CDC27: variants seen among roughly 807,000 people sequenced by gnomAD.
CDC27 encodes cell division cycle 27.
A neutral mutation model predicts 109.7 loss-of-function variants in CDC27; 27 were observed. The ratio of observed to expected loss-of-function variants is 0.25; its 90% CI spans 0.18 to 0.34. The LOEUF is 0.34. CDC27 is among the 10% of genes least tolerant of loss of function. CDC27 has a pLI of 1.00. For missense variants in CDC27, 579 were observed against 960.2 expected (o/e 0.60, Z 5.25); for synonymous variants, 266 against 333.9 (o/e 0.80, Z 2.22).
chr17:47,161,292 C>A (rs1336322410), intron 4 of CDC27, among the ~76,000 whole-genome samples: 4 of 151,792 alleles, frequency 2.6e-5, no homozygotes, highest in Admixed American at 2.0e-4. Context: ...CCTGAAATTT[C>A]TTAAATATAA....
chr17:47,160,000 T>G (rs1474340123), intron 4 of CDC27: 1 of 232,562 alleles, frequency 4.3e-6, no homozygotes, highest in African/African-American at 2.4e-5. Flanking sequence ...AACCTCTGCT[T>G]CTTTTTTTTT....
chr17:47,156,991 G>C lies in CDC27; in HGVS notation c.764C>G (p.Ser255Cys), dbSNP rs1230920121. 4 of 1,576,034 alleles carry C rather than the reference G, an allele frequency of 2.5e-6. No homozygotes were observed. The highest frequency in any genetic ancestry group is 1.1e-5 in the South Asian group (1 of 88,810). Residue 255 changes from serine to cysteine, a missense_variant, in exon 7 of 19, where the codon TCT becomes TGT. Around this residue, in one of 9 missense-constraint regions of CDC27, gnomAD observed 74 missense variants for 148.9 expected, o/e 0.50. Coordinates refer to ENST00000066544, the MANE Select transcript of CDC27 (RefSeq NM_001256.6). ...VPLGTGTSIL[S>C]KQVQNKPKTG... The stretch of plus-strand genomic sequence containing the variant: ...TTTTGGTTTATTTTGAACCTGTTTA[G>C]ATAATATGGAAGTTCCTGTTCCCAG...
chr17:47,145,198 G>A (rs1168631686), intron 9 of CDC27, among the ~76,000 whole-genome samples: 2 of 152,176 alleles, frequency 1.3e-5, no homozygotes, highest in Non-Finnish European at 2.9e-5. Context: ...AAACATTTCC[G>A]AGGACAGTTC....
intron 4 of CDC27, chr17:47,159,407 GCAGTCATCGATAC>G (rs1262942690): frequency 1.0e-6 from 1 of 998,500 alleles, no homozygotes; most frequent in Non-Finnish European, 1.4e-6. Context: ...CTGAGGTGTA[GCAGTCATCGATAC>G]CAGTCATCAT....
In CDC27 at chr17:47,120,997, C is replaced by T; in HGVS notation, c.2413G>A (p.Glu805Lys). The T allele has an allele frequency of 6.2e-7, 1 of 1,612,024 alleles. No homozygotes were observed. Among genetic ancestry groups the T allele is most frequent in the Non-Finnish European group, 8.5e-7 (1 of 1,178,726 alleles). The stretch of plus-strand genomic sequence containing the variant: ...TCATCCGCATCTGTCATGCTGCTCT[C>T]CTGGGATTCATCTGTTCCCACTTTA... ...EQIMGTDESQ[E>K]SSMTDADDTQ... Residue 805 changes from glutamate to lysine, a missense_variant, in exon 19 of 19, where the codon GAG becomes AAG. Transcript: ENST00000066544.
At chr17:47,166,301 T>C (rs540147156) in intron 4 of CDC27, among the ~76,000 whole-genome samples, 22 of 152,346 alleles carry the variant, frequency 1.4e-4, no homozygotes, top group African/African-American at 5.3e-4. Context: ...AATTTTAGGA[T>C]TATTCAGATT....
intron 2 of CDC27, 88 bp from the exon 3 acceptor site, chr17:47,172,152 A>C (rs896610598): frequency 7.5e-6 from 6 of 803,360 alleles, no homozygotes; most frequent in African/African-American, 7.3e-5. Context: ...TTAGCAAAAA[A>C]AAAAATTAGG....
intron 1 of CDC27, among the ~76,000 whole-genome samples, chr17:47,182,930 C>A (rs562611358): frequency 1.1e-4 from 17 of 151,960 alleles, no homozygotes; most frequent in Non-Finnish European, 1.9e-4. Context: ...GAAGGCTGAG[C>A]TGGGAAGACT....
At chr17:47,172,331 A>G (rs1238206449) in intron 2 of CDC27, among the ~76,000 whole-genome samples, 1 of 152,158 alleles carries the variant, frequency 6.6e-6, no homozygotes, top group East Asian at 1.9e-4. Flanking sequence ...AATATTTAAG[A>G]AAAGCATACA....
intron 4 of CDC27, among the ~76,000 whole-genome samples, chr17:47,158,972 G>A (rs181601953): frequency 6.6e-6 from 1 of 152,174 alleles, no homozygotes; most frequent in Middle Eastern, 3.4e-3. Flanking sequence ...GGCAGGTCTC[G>A]AACTCATGAG....
In CDC27 at chr17:47,133,006, T is replaced by C. The variant is rs1326714447; in HGVS notation, c.1914-632A>G. Among the ~76,000 whole-genome samples, 32 of 37,482 alleles carry C rather than the reference T, an allele frequency of 8.5e-4. 2 individuals are homozygous for C. The East Asian group carries it at 0.02, about 23-fold the overall frequency. The allele number at this position is 37,482 out of a possible 152,430, so 24.6% of individuals were successfully genotyped here. ...CCAGGCGCATATATATATATATATA[T>C]ATATATATATATATATATATATACA... On this transcript the variant is annotated intron_variant, in intron 14 of 18. Transcript: ENST00000066544.
At chr17:47,171,726 T>C (rs2063816951) in intron 3 of CDC27, among the ~76,000 whole-genome samples, 191 bp downstream of exon 3, 1 of 152,190 alleles carries the variant, frequency 6.6e-6, no homozygotes, top group Non-Finnish European at 1.5e-5. Flanking sequence ...AACTCTATTA[T>C]TTATTACCAT....
intron 9 of CDC27, among the ~76,000 whole-genome samples, chr17:47,144,705 C>T (rs1020956547): frequency 1.3e-5 from 2 of 152,296 alleles, no homozygotes; most frequent in East Asian, 1.9e-4. Flanking sequence ...AGTGGGTAAA[C>T]TTGTGGACTA....
In CDC27 at chr17:47,120,623, T is replaced by C; in HGVS notation, c.*312A>G. Reference sequence around the variant, plus strand: ...TCCATATCTAATGGTTCCTTCAAGATAAAGCATAACTCTTCCTTTCATGAT... The same window carrying C: ...TCCATATCTAATGGTTCCTTCAAGACAAAGCATAACTCTTCCTTTCATGAT... On this transcript the variant is annotated 3_prime_UTR_variant, in exon 19 of 19. Coordinates refer to ENST00000066544, the MANE Select transcript of CDC27 (RefSeq NM_001256.6). 1 of 224,206 alleles carries C rather than the reference T, an allele frequency of 4.5e-6. No homozygotes were observed. Among genetic ancestry groups the C allele is most frequent in the Non-Finnish European group, 8.8e-6 (1 of 113,710 alleles). The allele number at this position is 224,206 out of a possible 1,614,324, so 13.9% of individuals were successfully genotyped here. A position where few individuals can be genotyped will look rare whatever the true frequency, so the allele number is the denominator to read the frequency against.
chr17:47,185,897 GCCC>G (rs2064416005), intron 1 of CDC27, among the ~76,000 whole-genome samples: 1 of 152,172 alleles, frequency 6.6e-6, no homozygotes, highest in Non-Finnish European at 1.5e-5. Flanking sequence ...CCCAATTAAT[GCCC>G]CAACATTTAG....
chr17:47,122,309 T>G, intron 18 of CDC27, 135 bp downstream of exon 18: 1 of 535,562 alleles, frequency 1.9e-6, no homozygotes, highest in South Asian at 3.9e-5. Flanking sequence ...TACATCACCC[T>G]GTTCAATTTC....
At chr17:47,147,672 T>A (rs2063011879) in intron 9 of CDC27, among the ~76,000 whole-genome samples, 1 of 151,960 alleles carries the variant, frequency 6.6e-6, no homozygotes, top group South Asian at 2.1e-4. Context: ...GAGGTCAAGA[T>A]CTGCCTGGAC....
chr17:47,151,858 G>C lies in CDC27; in HGVS notation c.1018C>G (p.Arg340Gly), dbSNP rs200529536. ...KSVFSQSGNSREVTPILAQTQ... is the reference protein window; with the variant it reads ...KSVFSQSGNSGEVTPILAQTQ... Reference sequence around the variant, plus strand: ...TGTGCAAGAATTGGAGTTACCTCTCGGCTATTTCCACTCTGTGAGAAGACA... The same window carrying C: ...TGTGCAAGAATTGGAGTTACCTCTCCGCTATTTCCACTCTGTGAGAAGACA... Residue 340 changes from arginine (R) to glycine (G), a missense_variant, in exon 9 of 19, where the codon CGA (arginine) becomes GGA (glycine). Physicochemically the swap from Arg to Gly is moderately radical, Grantham distance 125. This residue lies in a region of CDC27 where 74 missense variants were observed against 148.9 expected (regional missense o/e 0.50). Coordinates refer to ENST00000066544, the MANE Select transcript of CDC27 (RefSeq NM_001256.6). 13 of 1,605,524 alleles carry C rather than the reference G, an allele frequency of 8.1e-6. No homozygotes were observed. The highest frequency in any genetic ancestry group is 1.1e-5 in the Non-Finnish European group (13 of 1,175,690).
chr17:47,175,697 T>C (rs1221327357), intron 2 of CDC27, among the ~76,000 whole-genome samples: 1 of 152,180 alleles, frequency 6.6e-6, no homozygotes, highest in Admixed American at 6.5e-5. Context: ...ATGTCTGTAA[T>C]TCCAGCTTCT....
Sources: gnomAD v4.1 joint callset for allele counts (sites outside exome capture counted in the v4.1 genomes callset) on GRCh38, gnomAD v4.1.1 for gene constraint, gnomAD v4.1.1 regional missense constraint, MANE v1.5 for transcripts, NCBI Gene and HGNC (gene_info 2026-07-23, HGNC 2026-07-21) for gene names.